The following FTO variants were observed in gnomAD, a reference collection of about 807,000 sequenced individuals.
The protein encoded by FTO is FTO alpha-ketoglutarate dependent dioxygenase, also known as alpha-ketoglutarate-dependent dioxygenase FTO.
FTO carries 47 observed loss-of-function variants against 63.9 expected under a neutral mutation model. The observed-to-expected ratio is 0.74, with a 90% CI of 0.58 to 0.94. FTO has a LOEUF of 0.94. Ranked by LOEUF, FTO falls within the 40% of genes least tolerant of loss-of-function variation. The pLI is 0.00. For synonymous variants in FTO, 207 were observed against 224.4 expected, an observed-to-expected ratio of 0.92 and a Z score of 0.69; for missense variants, 562 against 618.1, an observed-to-expected ratio of 0.91 and a Z score of 0.96.
chr16:53,862,855 T>C (rs1488462631), intron 4 of FTO, among the ~76,000 whole-genome samples: 1 of 152,294 alleles, frequency 6.6e-6, no homozygotes, highest in East Asian at 1.9e-4. Context: ...TGTATTTTAC[T>C]TCCATTCTGT....
intron 1 of FTO, among the ~76,000 whole-genome samples, chr16:53,761,266 T>TG (rs1013855365): frequency 1.9e-4 from 29 of 151,192 alleles, no homozygotes; most frequent in Admixed American, 1.1e-3. Context: ...CCAGCTCATT[T>TG]TTTTTTTTTC....
chr16:53,724,107 A>T (rs2076098411), intron 1 of FTO, among the ~76,000 whole-genome samples: 1 of 152,204 alleles, frequency 6.6e-6, no homozygotes, highest in Non-Finnish European at 1.5e-5. Flanking sequence ...TCTTTTGAGG[A>T]TATGAATCAA....
intron 3 of FTO, among the ~76,000 whole-genome samples, chr16:53,828,410 G>A (rs760514064): frequency 6.6e-6 from 1 of 151,864 alleles, no homozygotes; most frequent in Non-Finnish European, 1.5e-5. Flanking sequence ...TAGTAGAGAC[G>A]GGGTTTCACC....
In FTO at chr16:54,099,962, C is replaced by T. The variant is rs541997109; in HGVS notation, c.1365-11800C>T. The stretch of plus-strand genomic sequence containing the variant: ...CCAAAGACACGTATGTCTCCCCCAC[C>T]GCAACCCACCTTTAGCATCTTTGTG... On this transcript the variant is annotated intron_variant, in intron 8 of 8. Coordinates refer to ENST00000471389, the MANE Select transcript of FTO (RefSeq NM_001080432.3). Among the ~76,000 whole-genome samples the T allele has an allele frequency of 1.7e-3, 262 of 152,244 alleles. 2 individuals are homozygous for T. Among genetic ancestry groups the T allele is most frequent in the African/African-American group, 6.0e-3 (249 of 41,536 alleles).
Position 53,891,319 on chromosome 16 carries a change from TA to T in FTO, c.1239+2377del, listed in dbSNP as rs942098749. Among the ~76,000 whole-genome samples the T allele has an allele frequency of 1.1e-3, 170 of 149,104 alleles. 1 individual carries two copies. Among genetic ancestry groups the T allele is most frequent in the African/African-American group, 4.1e-3 (164 of 40,368 alleles). ...TGATTTTGTTTTTTAAAAACCAAATTAAAAAAAAATTGTTTTTGTTCAAGAG... is the reference window on the plus strand; with the variant it reads ...TGATTTTGTTTTTTAAAAACCAAATTAAAAAAAATTGTTTTTGTTCAAGAG... On this transcript the variant is annotated intron_variant, in intron 7 of 8. Coordinates refer to ENST00000471389, the MANE Select transcript of FTO (RefSeq NM_001080432.3).
intron 8 of FTO, among the ~76,000 whole-genome samples, chr16:54,010,912 C>T (rs2084319523): frequency 6.6e-6 from 1 of 152,214 alleles, no homozygotes; most frequent in Admixed American, 6.5e-5. Context: ...CCTTTATCCC[C>T]AGCACTTCCT....
At chr16:53,886,275 T>C (rs2080994267) in intron 6 of FTO, among the ~76,000 whole-genome samples, 1 of 152,148 alleles carries the variant, frequency 6.6e-6, no homozygotes, top group Admixed American at 6.5e-5. Flanking sequence ...ATTTCCAGAG[T>C]CACCATGGTT....
intron 7 of FTO, among the ~76,000 whole-genome samples, chr16:53,914,267 T>TG (rs1046135731): frequency 1.3e-5 from 2 of 152,072 alleles, no homozygotes; most frequent in Admixed American, 6.5e-5. Context: ...TTTCTTTTTT[T>TG]TTTTGTCCTG....
chr16:53,882,340 A>T lies in FTO; in HGVS notation c.1119+2353A>T, dbSNP rs566256416. On this transcript the variant is annotated intron_variant, in intron 6 of 8. Coordinates refer to ENST00000471389, the MANE Select transcript of FTO (RefSeq NM_001080432.3). ...AATACACTTAACACACTGGTAAATT[A>T]TACAGTATGTTAGAAGTTGATAAGT... is the stretch of plus-strand genomic sequence containing the variant. Among the ~76,000 whole-genome samples the T allele has an allele frequency of 2.0e-5, 3 of 151,396 alleles. No homozygotes were observed. In the East Asian group the frequency reaches 5.9e-4, roughly 30 times the overall value.
chr16:53,726,624 G>A (rs1174644985), intron 1 of FTO, among the ~76,000 whole-genome samples: 1 of 152,142 alleles, frequency 6.6e-6, no homozygotes, highest in Non-Finnish European at 1.5e-5. Flanking sequence ...CTGTCAGTTT[G>A]GAGCTTCATG....
chr16:54,018,192 G>T (rs879473240), intron 8 of FTO, among the ~76,000 whole-genome samples: 1 of 152,072 alleles, frequency 6.6e-6, no homozygotes, highest in Admixed American at 6.5e-5. Context: ...CCCTAGGAGA[G>T]CTTACCCAAG....
At chr16:53,735,558 G>T (rs922108111) in intron 1 of FTO, among the ~76,000 whole-genome samples, 3 of 152,154 alleles carry the variant, frequency 2.0e-5, no homozygotes, top group Non-Finnish European at 4.4e-5. Flanking sequence ...CCTTTTTTAG[G>T]TATTCTTGGA....
chr16:54,107,207 T>C (rs1267577129), intron 8 of FTO, among the ~76,000 whole-genome samples: 1 of 152,040 alleles, frequency 6.6e-6, no homozygotes, highest in Non-Finnish European at 1.5e-5. Flanking sequence ...CAGTATTTTC[T>C]GAACAGATCC....
At chr16:54,052,997 C>T (rs1414683541) in intron 8 of FTO, among the ~76,000 whole-genome samples, 2 of 152,160 alleles carry the variant, frequency 1.3e-5, no homozygotes, top group Non-Finnish European at 1.5e-5. Context: ...CCACTGCACC[C>T]GGCCAAGAAC....
At chr16:54,041,084 A>G (rs898641865) in intron 8 of FTO, among the ~76,000 whole-genome samples, 19 of 152,240 alleles carry the variant, frequency 1.2e-4, no homozygotes, top group Admixed American at 1.0e-3. Context: ...TAAGGGTACT[A>G]TTACTTTATC....
At chr16:53,963,669 G>C (rs552448182) in intron 8 of FTO, among the ~76,000 whole-genome samples, 12 of 152,188 alleles carry the variant, frequency 7.9e-5, no homozygotes, top group Non-Finnish European at 1.6e-4. Flanking sequence ...TTCCACCATT[G>C]TAAGTTTCCT....
intron 4 of FTO, among the ~76,000 whole-genome samples, chr16:53,854,737 T>C (rs78379910): frequency 0.012 from 1,800 of 152,280 alleles, 30 homozygotes; most frequent in African/African-American, 0.04. Flanking sequence ...ATTTGTTCTA[T>C]TTGTTTAGGA....
At chr16:53,916,876 C>T (rs529738994) in intron 7 of FTO, among the ~76,000 whole-genome samples, 19 of 152,314 alleles carry the variant, frequency 1.2e-4, no homozygotes, top group African/African-American at 4.3e-4. Context: ...AGCTAAGGCT[C>T]ATCAACTATT....
At chr16:53,809,528 GT>G (rs1156697949) in intron 1 of FTO, among the ~76,000 whole-genome samples, 1 of 152,154 alleles carries the variant, frequency 6.6e-6, no homozygotes. Context: ...GCTGACTCTA[GT>G]GATGAAAAAG....
Sources: allele counts gnomAD v4.1 joint callset (sites outside exome capture counted in the v4.1 genomes callset), GRCh38; gene constraint gnomAD v4.1.1; transcripts MANE v1.5; gene names NCBI Gene and HGNC (gene_info 2026-07-23, HGNC 2026-07-21).